Variants in KIF6 observed in about 807,000 individuals in gnomAD.
KIF6 encodes the protein kinesin family member 6.
KIF6 carries 106 observed loss-of-function variants against 112.7 expected under a neutral mutation model. The ratio of observed to expected loss-of-function variants is 0.94; its 90% confidence interval spans 0.80 to 1.11. The LOEUF (loss-of-function observed/expected upper bound fraction) is 1.11, where lower values mean the gene tolerates loss of function less well. KIF6 is among the 50% of genes least tolerant of loss of function. KIF6 has a pLI of 0.00. For synonymous variants in KIF6, 339 were observed against 339.9 expected (o/e 1.00, Z 0.03); for missense variants, 929 against 964.0 (o/e 0.96, Z 0.48).
chr6:39,336,643 T>C, intron 22 of KIF6, 95 bp from the exon 23 acceptor site: 29 of 1,072,948 alleles, frequency 2.7e-5, no homozygotes, highest in Non-Finnish European at 3.6e-5. Flanking sequence ...CACCAGCCAC[T>C]CCCCCTGGGT....
chr6:39,453,134 C>T (rs1277879029), intron 13 of KIF6, among the ~76,000 whole-genome samples: 2 of 152,176 alleles, frequency 1.3e-5, no homozygotes, highest in African/African-American at 4.8e-5. Flanking sequence ...AATCCCAAGG[C>T]CTTCTACTAC....
chr6:39,595,019 C>G (rs1480690585), intron 7 of KIF6, among the ~76,000 whole-genome samples: 1 of 152,088 alleles, frequency 6.6e-6, no homozygotes, highest in African/African-American at 2.4e-5. Flanking sequence ...TGAATGTTCT[C>G]TCCCCTGGCA....
intron 22 of KIF6, among the ~76,000 whole-genome samples, chr6:39,337,161 TTC>T (rs1562102367): frequency 5.9e-5 from 4 of 68,362 alleles, no homozygotes; most frequent in Non-Finnish European, 9.9e-5. Flanking sequence ...TTTCTTTTCT[TTC>T]TTTCCTTCCT....
At chr6:39,718,753 A>G (rs1465845081) in intron 2 of KIF6, among the ~76,000 whole-genome samples, 1 of 151,298 alleles carries the variant, frequency 6.6e-6, no homozygotes, top group African/African-American at 2.4e-5. Context: ...AAAAAAAAAA[A>G]GAAAGAAAGA....
intron 10 of KIF6, among the ~76,000 whole-genome samples, chr6:39,551,870 T>C (rs1313966000): frequency 6.6e-6 from 1 of 152,230 alleles, no homozygotes; most frequent in Non-Finnish European, 1.5e-5. Context: ...ATCTTTACAC[T>C]ATTAGCTTTA....
At position 39,330,958 on chromosome 6, in the gene KIF6, C is replaced by G. The variant is rs1277833989; in HGVS notation, c.*5574G>C. On this transcript the variant is annotated 3_prime_UTR_variant, in exon 23 of 23. Transcript: ENST00000287152. ...CTGGACACGTGTTATGGAAGGAACACTGTCTCCCCCACATGCTCACATGGC... is the reference window on the plus strand; with the variant it reads ...CTGGACACGTGTTATGGAAGGAACAGTGTCTCCCCCACATGCTCACATGGC... The G allele has an allele frequency of 6.6e-6, 1 of 152,464 alleles. No homozygotes were observed. Among genetic ancestry groups the G allele is most frequent in the Admixed American group, 6.5e-5 (1 of 15,288 alleles). The allele number at this position is 152,464 out of a possible 1,614,324, so 9.4% of individuals were successfully genotyped here. A position where few individuals can be genotyped will look rare whatever the true frequency, so the allele number is the denominator to read the frequency against.
chr6:39,444,873 C>T (rs952074423), intron 13 of KIF6, among the ~76,000 whole-genome samples: 13 of 150,538 alleles, frequency 8.6e-5, no homozygotes, highest in South Asian at 2.1e-4. Flanking sequence ...TGAGCTGGAA[C>T]GTGGACCAAA....
intron 13 of KIF6, among the ~76,000 whole-genome samples, chr6:39,532,178 G>A (rs1253017984): frequency 6.6e-6 from 1 of 152,042 alleles, no homozygotes; most frequent in East Asian, 1.9e-4. Flanking sequence ...CTGTCAATCT[G>A]TACATACTCT....
intron 15 of KIF6, among the ~76,000 whole-genome samples, chr6:39,409,058 C>A (rs577716852): frequency 1.3e-5 from 2 of 152,120 alleles, no homozygotes; most frequent in South Asian, 2.1e-4. Context: ...GAGCAATATT[C>A]ATAAGTTTCA....
intron 7 of KIF6, among the ~76,000 whole-genome samples, chr6:39,589,129 C>A (rs755667981): frequency 9.2e-5 from 14 of 152,152 alleles, no homozygotes; most frequent in Non-Finnish European, 1.9e-4. Flanking sequence ...TCGAGCTTAT[C>A]CCCACATCAG....
At chr6:39,563,372 GTACA>G (rs1445806272) in intron 10 of KIF6, among the ~76,000 whole-genome samples, 2 of 151,994 alleles carry the variant, frequency 1.3e-5, no homozygotes, top group Non-Finnish European at 2.9e-5. Context: ...TATCATCTAT[GTACA>G]TAGCATATAC....
intron 3 of KIF6, among the ~76,000 whole-genome samples, chr6:39,697,661 G>C (rs1788626298): frequency 6.6e-6 from 1 of 151,486 alleles, no homozygotes; most frequent in South Asian, 2.1e-4. Context: ...TCCTGCCTCA[G>C]CCTCCCAAGT....
At chr6:39,534,449 A>G (rs1374033611) in intron 13 of KIF6, among the ~76,000 whole-genome samples, 1 of 152,248 alleles carries the variant, frequency 6.6e-6, no homozygotes, top group African/African-American at 2.4e-5. Context: ...ATCAACTGGA[A>G]GAAAGAGTAT....
chr6:39,478,947 A>G (rs1368570186), intron 13 of KIF6, among the ~76,000 whole-genome samples: 16 of 150,156 alleles, frequency 1.1e-4, no homozygotes, highest in African/African-American at 3.9e-4. Flanking sequence ...TTTTGATGGG[A>G]TTGTTTTTTT....
chr6:39,715,193 T>C (rs1221426405), intron 2 of KIF6, among the ~76,000 whole-genome samples: 1 of 152,242 alleles, frequency 6.6e-6, no homozygotes. Flanking sequence ...GTGAATTGTA[T>C]GATTATTGAA....
At chr6:39,660,320 G>A (rs371140109) in intron 3 of KIF6, among the ~76,000 whole-genome samples, 1 of 152,154 alleles carries the variant, frequency 6.6e-6, no homozygotes, top group East Asian at 1.9e-4. Flanking sequence ...TGCTGTCACA[G>A]TTCATACGGA....
intron 9 of KIF6, 40 bp from the exon 10 acceptor site, chr6:39,578,199 A>G (rs1781082954): frequency 2.0e-5 from 26 of 1,310,248 alleles, no homozygotes; most frequent in Non-Finnish European, 2.9e-5. Flanking sequence ...TCAACTTCTC[A>G]TTAAGGTGAA....
intron 13 of KIF6, among the ~76,000 whole-genome samples, chr6:39,523,866 T>G (rs535400041): frequency 1.3e-5 from 2 of 151,736 alleles, no homozygotes; most frequent in African/African-American, 4.8e-5. Context: ...GTACTGGGTC[T>G]CATTTACCTT....
intron 3 of KIF6, among the ~76,000 whole-genome samples, chr6:39,643,950 C>A: frequency 6.6e-6 from 1 of 151,972 alleles, no homozygotes; most frequent in Non-Finnish European, 1.5e-5. Flanking sequence ...ATCCATAATC[C>A]ATAACATACA....
Sources: gnomAD v4.1 joint callset for allele counts (sites outside exome capture counted in the v4.1 genomes callset) on GRCh38, gnomAD v4.1.1 for gene constraint, MANE v1.5 for transcripts, NCBI Gene and HGNC (gene_info 2026-07-23, HGNC 2026-07-21) for gene names.